SLC6A5: variants seen among roughly 807,000 people sequenced by gnomAD.
The protein encoded by SLC6A5 is sodium- and chloride-dependent glycine transporter 2.
SLC6A5 carries 58 observed loss-of-function variants against 90.5 expected under a neutral mutation model. That is an observed-to-expected ratio of 0.64 (90% CI 0.52 to 0.80). SLC6A5 has a LOEUF of 0.80. Among genes scored for constraint, SLC6A5 ranks in the 30% least tolerant of loss-of-function variants. The pLI is 0.00. For synonymous variants in SLC6A5, 427 were observed against 401.4 expected (o/e 1.06, Z -0.76); for missense variants, 1,015 against 1,017.6 (o/e 1.00, Z 0.03).
chr11:20,620,788 T>A (rs959826482), intron 7 of SLC6A5, among the ~76,000 whole-genome samples: 6 of 151,944 alleles, frequency 3.9e-5, no homozygotes, highest in African/African-American at 7.2e-5. Flanking sequence ...TTTTTTATTT[T>A]TATTTATATT....
intron 8 of SLC6A5, 126 bp from the exon 9 acceptor site, chr11:20,627,854 T>C (rs937539982): frequency 1.5e-5 from 11 of 730,148 alleles, no homozygotes; most frequent in Non-Finnish European, 2.5e-5. Flanking sequence ...TTGATGTTGA[T>C]GTCGGGGGTC....
chr11:20,631,926 T>C (rs1023609390), intron 10 of SLC6A5, among the ~76,000 whole-genome samples: 5 of 152,186 alleles, frequency 3.3e-5, no homozygotes, highest in Non-Finnish European at 5.9e-5. Context: ...TTCATGCTGA[T>C]GGTGCACCAG....
At chr11:20,644,494 T>G (rs897990915) in intron 13 of SLC6A5, among the ~76,000 whole-genome samples, 1 of 152,248 alleles carries the variant, frequency 6.6e-6, no homozygotes, top group Non-Finnish European at 1.5e-5. Context: ...TGTGCACTTA[T>G]GTTGATTCCA....
intron 13 of SLC6A5, among the ~76,000 whole-genome samples, chr11:20,639,232 C>T (rs1361084425): frequency 1.3e-5 from 2 of 152,062 alleles, no homozygotes; most frequent in African/African-American, 2.4e-5. Flanking sequence ...CTCCTGGTCC[C>T]TTGTATGCAC....
rs1228465185 is a variant in SLC6A5, at chr11:20,656,735, C to T, written c.*1867C>T. On this transcript the variant is annotated 3_prime_UTR_variant, in exon 16 of 16. Transcript: ENST00000525748. ...TATATTTGTTCTCCCCTCTCCTTCT[C>T]CTCCTTTCCCCCCTTGTCTCCCAAA... 1 of 152,202 alleles carries T rather than the reference C, an allele frequency of 6.6e-6. No individual in the cohort carries two copies. Among genetic ancestry groups the T allele is most frequent in the Admixed American group, 6.5e-5 (1 of 15,276 alleles). The allele number at this position is 152,202 out of a possible 1,614,324, so 9.4% of individuals were successfully genotyped here. A position where few individuals can be genotyped will look rare whatever the true frequency, so the allele number is the denominator to read the frequency against.
intron 5 of SLC6A5, among the ~76,000 whole-genome samples, chr11:20,612,154 G>C (rs1852706176): frequency 6.6e-6 from 1 of 152,194 alleles, no homozygotes; most frequent in Non-Finnish European, 1.5e-5. Context: ...AAACTCTGCG[G>C]TGTGTATGGG....
intron 2 of SLC6A5, 92 bp downstream of exon 2, chr11:20,601,757 T>A: frequency 7.3e-7 from 1 of 1,372,024 alleles, no homozygotes; most frequent in South Asian, 1.2e-5. Context: ...CGTATGCTGA[T>A]GGGGAAACCG....
At chr11:20,606,429 G>C (rs1852582502) in intron 3 of SLC6A5, among the ~76,000 whole-genome samples, 1 of 152,178 alleles carries the variant, frequency 6.6e-6, no homozygotes, top group Admixed American at 6.5e-5. Context: ...TTCTCATATG[G>C]GGAAGGGCGT....
intron 13 of SLC6A5, among the ~76,000 whole-genome samples, chr11:20,645,372 G>C (rs902805906): frequency 6.6e-6 from 1 of 152,070 alleles, no homozygotes; most frequent in Non-Finnish European, 1.5e-5. Context: ...TGGCAGAAGT[G>C]GGAGAGGTGG....
At position 20,657,813 on chromosome 11, in the gene SLC6A5, T is replaced by C. The variant is rs1284648707; in HGVS notation, c.*2945T>C. On this transcript the variant is annotated 3_prime_UTR_variant, in exon 16 of 16. Transcript: ENST00000525748. ...TTAGAGGAGAAAAAATGTATATTTC[T>C]TAACAAGTGGTGTTGTGACTTCTTA... 4 of 152,250 alleles carry C rather than the reference T, an allele frequency of 2.6e-5. No individual in the cohort carries two copies. Among genetic ancestry groups the C allele is most frequent in the Non-Finnish European group, 5.9e-5 (4 of 68,034 alleles). The allele number at this position is 152,250 out of a possible 1,614,324, so 9.4% of individuals were successfully genotyped here.
rs539930594 is a variant in SLC6A5 at position 20,644,087 on chromosome 11, ATATT to A, written c.1970-2744_1970-2741del. On this transcript the variant is annotated intron_variant, in intron 13 of 15. Transcript: ENST00000525748. ...AGATACTGACAAGTTATAATTGTAT[ATATT>A]TACGAGGTTCAAAAGGGATGCTATA... 1.8e-3 allele frequency among the ~76,000 whole-genome samples: 272 copies of A among 152,342 alleles called. 1 individual carries two copies. The highest frequency in any genetic ancestry group is 6.3e-3 in the African/African-American group (260 of 41,578).
At chr11:20,634,021 C>G (rs4244550) in intron 10 of SLC6A5, among the ~76,000 whole-genome samples, 121,521 of 152,170 alleles carry the variant, frequency 0.8, 49,205 homozygotes, top group Middle Eastern at 0.86. Context: ...ACAGGCGCCC[C>G]CCACTACGCC....
At position 20,658,769 on chromosome 11, in the gene SLC6A5, C is replaced by G. The variant is rs1289351201; in HGVS notation, c.*3901C>G. 3 of 152,290 alleles carry G rather than the reference C, an allele frequency of 2.0e-5. No individual in the cohort carries two copies. Among genetic ancestry groups the G allele is most frequent in the South Asian group, 2.1e-4 (1 of 4,834 alleles). The allele number at this position is 152,290 out of a possible 1,614,324, so 9.4% of individuals were successfully genotyped here. On this transcript the variant is annotated 3_prime_UTR_variant, in exon 16 of 16. Coordinates refer to ENST00000525748, the MANE Select transcript of SLC6A5 (RefSeq NM_004211.5). ...CTTGCCTGCCACGGATTAAATACAT[C>G]TTCAGGTAACCATTTGCCTTACAGG...
chr11:20,638,545 C>G lies in SLC6A5; in HGVS notation c.1956C>G (p.Ile652Met), dbSNP rs1235664319. 2 of 1,602,986 alleles carry G rather than the reference C, an allele frequency of 1.2e-6. No individual in the cohort carries two copies. Among genetic ancestry groups the G allele is most frequent in the Non-Finnish European group, 1.7e-6 (2 of 1,170,052 alleles). The change falls in exon 13 of 16, where the codon ATC (isoleucine) becomes ATG (methionine). Residue 652 changes from isoleucine to methionine, a missense_variant. Ile to Met is a conservative substitution (Grantham distance 10, BLOSUM62 1). Coordinates refer to ENST00000525748, the MANE Select transcript of SLC6A5 (RefSeq NM_004211.5). Reference sequence around the variant, plus strand: ...TTGCCATTTTTGAGCTCGTGGGGATCTCTTATGTGTATGGTAAGGAAATCA... The same window carrying G: ...TTGCCATTTTTGAGCTCGTGGGGATGTCTTATGTGTATGGTAAGGAAATCA... ...VIIAIFELVG[I>M]SYVYGLQRFC...
chr11:20,646,244 C>T (rs1490858514), intron 13 of SLC6A5, among the ~76,000 whole-genome samples: 1 of 152,206 alleles, frequency 6.6e-6, no homozygotes, highest in Non-Finnish European at 1.5e-5. Context: ...TGATGAGTGA[C>T]CAAGAAGACA....
At chr11:20,633,962 C>T (rs532606368) in intron 10 of SLC6A5, among the ~76,000 whole-genome samples, 1 of 152,272 alleles carries the variant, frequency 6.6e-6, no homozygotes, top group East Asian at 1.9e-4. Context: ...ACTTCTGCCT[C>T]CCGGGTTCAC....
chr11:20,654,998 A>G lies in SLC6A5; in HGVS notation c.*130A>G, dbSNP rs1398283859. On this transcript the variant is annotated 3_prime_UTR_variant, in exon 16 of 16. Coordinates refer to ENST00000525748, the MANE Select transcript of SLC6A5 (RefSeq NM_004211.5). ...ATCTTGGTTCACATCCACGCATGAG[A>G]GTGATTATGTAGAAAAGTAGGCATA... is the stretch of plus-strand genomic sequence containing the variant. 1 of 996,774 alleles carries G rather than the reference A, an allele frequency of 1.0e-6. No individual in the cohort carries two copies. Among genetic ancestry groups the G allele is most frequent in the Non-Finnish European group, 1.6e-6 (1 of 621,192 alleles). The allele number at this position is 996,774 out of a possible 1,614,324, so 61.7% of individuals were successfully genotyped here.
intron 14 of SLC6A5, among the ~76,000 whole-genome samples, chr11:20,651,204 C>CCCCTT (rs1166327704): frequency 6.6e-4 from 83 of 126,036 alleles, no homozygotes; most frequent in African/African-American, 2.4e-3. Context: ...TCCCCTCCCT[C>CCCCTT]CCCTTCCCTT....
At chr11:20,635,739 T>C (rs967679958) in intron 10 of SLC6A5, among the ~76,000 whole-genome samples, 1 of 152,168 alleles carries the variant, frequency 6.6e-6, no homozygotes, top group Non-Finnish European at 1.5e-5. Flanking sequence ...CTCAGCACTA[T>C]TGACATTTGA....
Sources: allele counts gnomAD v4.1 joint callset (sites outside exome capture counted in the v4.1 genomes callset), GRCh38; gene constraint gnomAD v4.1.1; transcripts MANE v1.5; gene names NCBI Gene and HGNC (gene_info 2026-07-23, HGNC 2026-07-21).